TMEM170A: variants seen among roughly 807,000 people sequenced by gnomAD.
TMEM170A encodes transmembrane protein 170.
In TMEM170A, 18 loss-of-function variants were observed where a neutral mutation model predicts 12.8. The observed-to-expected ratio is 1.41, with a 90% CI of 0.97 to 2.09. The LOEUF is 2.09. TMEM170A is among the 30% of genes most tolerant of loss of function. The pLI is 0.00. For missense variants in TMEM170A, 220 were observed against 179.9 expected, an observed-to-expected ratio of 1.22 and a Z score of -1.28; for synonymous variants, 107 against 76.2, an observed-to-expected ratio of 1.40 and a Z score of -2.11.
At chr16:75,462,439 C>T (rs2079925005) in intron 1 of TMEM170A, among the ~76,000 whole-genome samples, 1 of 152,156 alleles carries the variant, frequency 6.6e-6, no homozygotes, top group African/African-American at 2.4e-5. Flanking sequence ...GAACTCCTGA[C>T]TTCAGGTGAT....
At chr16:75,462,777 A>G (rs1365490920) in intron 1 of TMEM170A, among the ~76,000 whole-genome samples, 1 of 152,210 alleles carries the variant, frequency 6.6e-6, no homozygotes, top group South Asian at 2.1e-4. Context: ...TGGAATATAT[A>G]TATTTTTTTA....
chr16:75,458,175 T>C (rs2079833257), intron 1 of TMEM170A: 1 of 152,254 alleles, frequency 6.6e-6, no homozygotes, highest in Non-Finnish European at 1.5e-5. Flanking sequence ...AGCAAGTATA[T>C]TACTTCGGCT....
chr16:75,447,905 T>C (rs1011088329), intron 2 of TMEM170A, among the ~76,000 whole-genome samples: 4 of 152,232 alleles, frequency 2.6e-5, no homozygotes, highest in Non-Finnish European at 1.5e-5. Flanking sequence ...TTTTAGATGC[T>C]GACTCCTTAA....
rs758125914 is a variant in TMEM170A at position 75,446,274 on chromosome 16, A to G, written c.*1284T>C. 10 of 152,198 alleles carry G rather than the reference A, an allele frequency of 6.6e-5. No individual in the cohort carries two copies. Among genetic ancestry groups the G allele is most frequent in the Admixed American group, 5.2e-4 (8 of 15,268 alleles). The allele number at this position is 152,198 out of a possible 1,614,324, so 9.4% of individuals were successfully genotyped here. ...CACCACACTGATTGTATTCCATACA[A>G]AACAGTTTAGGTGGAAAGGATCACA... On this transcript the variant is annotated 3_prime_UTR_variant, in exon 3 of 3. Transcript: ENST00000561878.
chr16:75,464,665 G>T lies in TMEM170A; in HGVS notation c.-65C>A. On this transcript the variant is annotated 5_prime_UTR_variant, in exon 1 of 3. Transcript: ENST00000561878. ...CCGAAGTGCGGTAGCGGCCGGCGCC[G>T]ACTCACCCTCGCCGCCTCAGCGTCA... 6.5e-7 allele frequency: 1 copy of T among 1,527,926 alleles called. No homozygotes were observed. The allele number at this position is 1,527,926 out of a possible 1,614,324, so 94.6% of individuals were successfully genotyped here. A position where few individuals can be genotyped will look rare whatever the true frequency, so the allele number is the denominator to read the frequency against.
At chr16:75,449,510 G>C (rs542959311) in intron 2 of TMEM170A, among the ~76,000 whole-genome samples, 1 of 152,060 alleles carries the variant, frequency 6.6e-6, no homozygotes, top group South Asian at 2.1e-4. Flanking sequence ...GTAGAGACAG[G>C]GTCTCACTAT....
rs1424394240 is a variant in TMEM170A, at chr16:75,447,082, G to A, written c.*476C>T. 6.6e-6 allele frequency: 1 copy of A among 152,010 alleles called. No individual in the cohort carries two copies. Among genetic ancestry groups the A allele is most frequent in the African/African-American group, 2.4e-5 (1 of 41,362 alleles). The allele number at this position is 152,010 out of a possible 1,614,324, so 9.4% of individuals were successfully genotyped here. A position where few individuals can be genotyped will look rare whatever the true frequency, so the allele number is the denominator to read the frequency against. On this transcript the variant is annotated 3_prime_UTR_variant, in exon 3 of 3. Coordinates refer to ENST00000561878, the MANE Select transcript of TMEM170A (RefSeq NM_145254.3). The stretch of plus-strand genomic sequence containing the variant: ...AACTATACTCAACCAAAACCTATTT[G>A]GCATTTATTGTCACTAAGATGTAGC...
intron 1 of TMEM170A, among the ~76,000 whole-genome samples, chr16:75,463,156 C>G (rs938799611): frequency 2.0e-5 from 3 of 152,184 alleles, no homozygotes; most frequent in Non-Finnish European, 4.4e-5. Context: ...TTATACTGTT[C>G]TCTCAACTGT....
In TMEM170A at chr16:75,445,094, GA is replaced by G. The variant is rs2079561238; in HGVS notation, c.*2463del. The G allele has an allele frequency of 1.3e-5, 2 of 152,158 alleles. No homozygotes were observed. Among genetic ancestry groups the G allele is most frequent in the Non-Finnish European group, 2.9e-5 (2 of 68,022 alleles). 9.4% of individuals were successfully genotyped at this position (152,158 alleles called of 1,614,324 possible). ...AGATGATGGCAATCATTTCCCATAAGAAAAGTTACCAATTCCCCAGATTTCT... is the reference window on the plus strand; with the variant it reads ...AGATGATGGCAATCATTTCCCATAAGAAAGTTACCAATTCCCCAGATTTCT... On this transcript the variant is annotated 3_prime_UTR_variant, in exon 3 of 3. Coordinates refer to ENST00000561878, the MANE Select transcript of TMEM170A (RefSeq NM_145254.3).
In TMEM170A at chr16:75,451,650, A is replaced by G. The variant is rs749633976; in HGVS notation, c.304+19T>C. The G allele has an allele frequency of 6.2e-7, 1 of 1,613,742 alleles. No homozygotes were observed. Among genetic ancestry groups the G allele is most frequent in the Non-Finnish European group, 8.5e-7 (1 of 1,179,648 alleles). Reference sequence around the variant, plus strand: ...GTCATATTAAACATTTTTGACTGGTATTTTAATGTCTAACATACTTGTCAA... The same window carrying G: ...GTCATATTAAACATTTTTGACTGGTGTTTTAATGTCTAACATACTTGTCAA... On this transcript the variant is annotated intron_variant, in intron 2 of 2. Coordinates refer to ENST00000561878, the MANE Select transcript of TMEM170A (RefSeq NM_145254.3).
intron 1 of TMEM170A, among the ~76,000 whole-genome samples, chr16:75,455,332 G>A (rs1457137939): frequency 1.4e-5 from 2 of 139,140 alleles, no homozygotes; most frequent in African/African-American, 5.4e-5. Context: ...ACTCCAGCCT[G>A]GGTGACAGAG....
chr16:75,464,123 C>T, intron 1 of TMEM170A: 1 of 1,239,402 alleles, frequency 8.1e-7, no homozygotes, highest in Non-Finnish European at 1.1e-6. Flanking sequence ...AGGGCGGGGA[C>T]CACAGCCTCC....
chr16:75,462,060 C>T (rs935918946), intron 1 of TMEM170A, among the ~76,000 whole-genome samples: 2 of 152,142 alleles, frequency 1.3e-5, no homozygotes, highest in African/African-American at 2.4e-5. Context: ...GATGCAGGAA[C>T]CCTTACAGTA....
chr16:75,449,067 A>AAAAT (rs1295109294), intron 2 of TMEM170A, among the ~76,000 whole-genome samples: 6 of 152,004 alleles, frequency 3.9e-5, no homozygotes, highest in Non-Finnish European at 2.9e-5. Flanking sequence ...TTCTCAAATA[A>AAAAT]AAATAAATAA....
chr16:75,448,717 T>G (rs1442740949), intron 2 of TMEM170A, among the ~76,000 whole-genome samples: 1 of 151,222 alleles, frequency 6.6e-6, no homozygotes, highest in Non-Finnish European at 1.5e-5. Context: ...TGAGCTCACA[T>G]CGCGACACTG....
chr16:75,451,546 T>C (rs1214801310), intron 2 of TMEM170A, 123 bp downstream of exon 2: 14 of 1,021,850 alleles, frequency 1.4e-5, no homozygotes, highest in Non-Finnish European at 1.9e-5. Context: ...GGAGACCCTG[T>C]CTGGACTTGC....
intron 1 of TMEM170A, among the ~76,000 whole-genome samples, chr16:75,461,420 T>A (rs536085248): frequency 4.6e-4 from 70 of 152,240 alleles, no homozygotes; most frequent in African/African-American, 1.6e-3. Flanking sequence ...ATACAGGTAA[T>A]AAAGAAAAAA....
Position 75,464,426 on chromosome 16 carries a change from G to A in TMEM170A, c.133+42C>T, listed in dbSNP as rs780142168. On this transcript the variant is annotated intron_variant, in intron 1 of 2. Coordinates refer to ENST00000561878, the MANE Select transcript of TMEM170A (RefSeq NM_145254.3). ...GGGGCGCCCACAGCACGGCAGCGGCGACGGCGGGGCGCGCAGTGCGCAGGC... is the reference window on the plus strand; with the variant it reads ...GGGGCGCCCACAGCACGGCAGCGGCAACGGCGGGGCGCGCAGTGCGCAGGC... 1.9e-5 allele frequency: 26 copies of A among 1,399,736 alleles called. No homozygotes were observed. The East Asian group carries it at 5.5e-4, about 30-fold the overall frequency. 86.7% of individuals were successfully genotyped at this position (1,399,736 alleles called of 1,614,324 possible). A position where few individuals can be genotyped will look rare whatever the true frequency, so the allele number is the denominator to read the frequency against.
At position 75,447,705 on chromosome 16, in the gene TMEM170A, G is replaced by A; in HGVS notation, c.305-17C>T. 1 of 1,561,692 alleles carries A rather than the reference G, an allele frequency of 6.4e-7. No individual in the cohort carries two copies. Among genetic ancestry groups the A allele is most frequent in the Non-Finnish European group, 8.6e-7 (1 of 1,156,454 alleles). ...TAGCTGCACCTGATTTAAAATGCAA[G>A]AATGTTAAACAAAAACAAAAAACGA... On this transcript the variant is annotated splice_polypyrimidine_tract_variant and intron_variant, in intron 2 of 2. Transcript: ENST00000561878.
Sources: gnomAD v4.1 joint callset for allele counts (sites outside exome capture counted in the v4.1 genomes callset) on GRCh38, gnomAD v4.1.1 for gene constraint, MANE v1.5 for transcripts, NCBI Gene and HGNC (gene_info 2026-07-23, HGNC 2026-07-21) for gene names.